The following LRP8 variants were observed in gnomAD, a reference collection of about 807,000 sequenced individuals.
The protein encoded by LRP8 is low-density lipoprotein receptor-related protein 8.
In LRP8, 46 loss-of-function variants were observed where a neutral mutation model predicts 111.6. The observed-to-expected ratio is 0.41, with a 90% CI of 0.33 to 0.53. The LOEUF is 0.53. Ranked by LOEUF, LRP8 falls within the 20% of genes least tolerant of loss-of-function variation. The pLI is 0.20. For synonymous variants in LRP8, 464 were observed against 511.2 expected (o/e 0.91, Z 1.24); for missense variants, 959 against 1,297.4 (o/e 0.74, Z 4.01).
intron 8 of LRP8, among the ~76,000 whole-genome samples, chr1:53,270,740 C>G (rs779776184): frequency 6.6e-6 from 1 of 152,214 alleles, no homozygotes; most frequent in Non-Finnish European, 1.5e-5. Flanking sequence ...TGCACTGTCC[C>G]TTTAAAGAAA....
At chr1:53,285,274 T>C (rs1352070410) in intron 3 of LRP8, among the ~76,000 whole-genome samples, 1 of 152,154 alleles carries the variant, frequency 6.6e-6, no homozygotes, top group African/African-American at 2.4e-5. Flanking sequence ...CAGACCCTGT[T>C]GGTCTCCCTG....
At chr1:53,326,835 T>A (rs891959335) in intron 2 of LRP8, 38 bp downstream of exon 2, 8 of 1,597,062 alleles carry the variant, frequency 5.0e-6, no homozygotes, top group Non-Finnish European at 5.1e-6. Context: ...CCGTTCCTTT[T>A]CTCTCCCCGG....
intron 8 of LRP8, among the ~76,000 whole-genome samples, chr1:53,269,224 T>A (rs1646681436): frequency 6.6e-6 from 1 of 152,210 alleles, no homozygotes; most frequent in Non-Finnish European, 1.5e-5. Flanking sequence ...GCTTTTGCGG[T>A]TTCTGTCTCT....
intron 2 of LRP8, among the ~76,000 whole-genome samples, chr1:53,325,331 T>C (rs1275617843): frequency 2.0e-5 from 3 of 152,352 alleles, no homozygotes; most frequent in Middle Eastern, 3.4e-3. Context: ...TTTGTTTGTT[T>C]TGTTTTTTAA....
intron 4 of LRP8, 113 bp from the exon 5 acceptor site, chr1:53,277,191 C>T (rs1201533583): frequency 6.8e-6 from 9 of 1,320,192 alleles, no homozygotes; most frequent in Non-Finnish European, 8.7e-6. Flanking sequence ...GAACAAGTGC[C>T]CTTTGGGGGC....
Position 53,249,266 on chromosome 1 carries a change from C to A in LRP8, c.2853+114G>T. 1.7e-6 allele frequency: 2 copies of A among 1,156,682 alleles called. No individual in the cohort carries two copies. The highest frequency in any genetic ancestry group is 2.5e-5 in the East Asian group (1 of 40,812). 71.7% of individuals were successfully genotyped at this position (1,156,682 alleles called of 1,614,324 possible). A position where few individuals can be genotyped will look rare whatever the true frequency, so the allele number is the denominator to read the frequency against. ...CATTTTTCTTCTTTGCCCCAACACC[C>A]AGCTTACAATTTGCAGCCTTCCCAA... On this transcript the variant is annotated intron_variant, in intron 18 of 18. Transcript: ENST00000306052. This position sits in a 1 kb window ranked among gnomAD's most constrained non-coding sequence, Gnocchi z 4.1.
In LRP8 at chr1:53,280,589, G is replaced by A; in HGVS notation, c.494C>T (p.Thr165Ile). Residue 165 changes from threonine to isoleucine, a missense_variant and splice_region_variant, in exon 4 of 19, where the codon ACC becomes ATC. By Grantham distance (89) the Thr-to-Ile change is moderately conservative. Transcript: ENST00000306052. Reference protein sequence around the residue: ...EGGADEAGCATLCAPHEFQCG... With the variant: ...EGGADEAGCAILCAPHEFQCG... ...TGGAGATCTGACCCCAGACTCACAG[G>A]TAGCACAGCCGGCCTCATCCGCTCC... 1 of 1,612,140 alleles carries A rather than the reference G, an allele frequency of 6.2e-7. No individual in the cohort carries two copies. The highest frequency in any genetic ancestry group is 8.5e-7 in the Non-Finnish European group (1 of 1,179,932).
At chr1:53,263,465 A>G (rs887013726) in intron 10 of LRP8, among the ~76,000 whole-genome samples, 3 of 152,180 alleles carry the variant, frequency 2.0e-5, no homozygotes, top group African/African-American at 7.2e-5. Flanking sequence ...TAACGCTAAA[A>G]AAACCATCTC....
At chr1:53,323,334 G>A (rs1017648233) in intron 2 of LRP8, among the ~76,000 whole-genome samples, 2 of 152,250 alleles carry the variant, frequency 1.3e-5, no homozygotes, top group African/African-American at 2.4e-5. Context: ...GGGGCGATGT[G>A]TGGACAATCT....
intron 2 of LRP8, among the ~76,000 whole-genome samples, chr1:53,311,072 A>T (rs1652899493): frequency 6.6e-6 from 1 of 152,160 alleles, no homozygotes; most frequent in African/African-American, 2.4e-5. Context: ...AGCTCCAGCC[A>T]GCAGATGCAA....
chr1:53,311,559 C>T (rs765565431), intron 2 of LRP8, among the ~76,000 whole-genome samples: 40 of 152,132 alleles, frequency 2.6e-4, no homozygotes, highest in Non-Finnish European at 4.4e-4. Flanking sequence ...GTGAGAACCA[C>T]AGAGGAAGGA....
chr1:53,265,656 T>C (rs992587201), intron 9 of LRP8, among the ~76,000 whole-genome samples: 3 of 152,240 alleles, frequency 2.0e-5, no homozygotes, highest in Non-Finnish European at 4.4e-5. Flanking sequence ...GTCTGTATGT[T>C]GCAGGGAGGC....
At chr1:53,254,726 T>C (rs1408823343) in intron 16 of LRP8, among the ~76,000 whole-genome samples, 1 of 152,190 alleles carries the variant, frequency 6.6e-6, no homozygotes, top group Admixed American at 6.5e-5. Flanking sequence ...ATTAAAGGAA[T>C]GGTAAGCAGC....
At position 53,249,363 on chromosome 1, in the gene LRP8, G is replaced by C; in HGVS notation, c.2853+17C>G. 1.9e-6 allele frequency: 3 copies of C among 1,612,570 alleles called. No individual in the cohort carries two copies. The highest frequency in any genetic ancestry group is 2.5e-6 in the Non-Finnish European group (3 of 1,179,074). Reference sequence around the variant, plus strand: ...CTCACTCACCAGCCCCTCAGACTTAGAGTGGCACTGCCCTACCTTGGATTT... The same window carrying C: ...CTCACTCACCAGCCCCTCAGACTTACAGTGGCACTGCCCTACCTTGGATTT... On this transcript the variant is annotated intron_variant, in intron 18 of 18. Coordinates refer to ENST00000306052, the MANE Select transcript of LRP8 (RefSeq NM_004631.5). This position sits in a 1 kb window ranked among gnomAD's most constrained non-coding sequence, Gnocchi z 4.1.
Position 53,263,113 on chromosome 1 carries a change from G to A in LRP8, c.1656-549C>T, listed in dbSNP as rs74467845. ...TTTCCTCCTGGGACCCTGACGATCCGCAGTGGATTGGGGTTGGGCTGGGTG... is the reference window on the plus strand; with the variant it reads ...TTTCCTCCTGGGACCCTGACGATCCACAGTGGATTGGGGTTGGGCTGGGTG... On this transcript the variant is annotated intron_variant, in intron 10 of 18. Coordinates refer to ENST00000306052, the MANE Select transcript of LRP8 (RefSeq NM_004631.5). Among the ~76,000 whole-genome samples the A allele has an allele frequency of 4.2e-3, 635 of 152,266 alleles. 3 individuals are homozygous for A. Among genetic ancestry groups the A allele is most frequent in the African/African-American group, 0.015 (606 of 41,538 alleles).
In LRP8 at chr1:53,326,969, C is replaced by T; in HGVS notation, c.148G>A (p.Asp50Asn). 6.2e-7 allele frequency: 1 copy of T among 1,613,730 alleles called. No homozygotes were observed. The highest frequency in any genetic ancestry group is 1.1e-5 in the South Asian group (1 of 91,080). The change falls in exon 2 of 19, where the codon GAC becomes AAC. Residue 50 changes from aspartate (D) to asparagine (N), a missense_variant. Around this residue, in one of 3 missense-constraint regions of LRP8, gnomAD observed 97 missense variants for 107.5 expected, o/e 0.90. Coordinates refer to ENST00000306052, the MANE Select transcript of LRP8 (RefSeq NM_004631.5). ...CGCTCGTTCCGGCACTGGAATTGGT[C>T]CTTTTCGCAATCCTTGGCCGGCCCT... ...GQGPAKDCEK[D>N]QFQCRNERCI... is the part of the protein sequence containing the mutation.
rs115829293 is a variant in LRP8, at chr1:53,285,808, T to C, written c.367+3759A>G. ...GCCCCCGGAGGGGACCATATGCCTT[T>C]GGCCTGCTCTCCAAGTACCCTAGGT... On this transcript the variant is annotated intron_variant, in intron 3 of 18. Coordinates refer to ENST00000306052, the MANE Select transcript of LRP8 (RefSeq NM_004631.5). Among the ~76,000 whole-genome samples the C allele has an allele frequency of 5.3e-3, 805 of 152,290 alleles. 8 individuals are homozygous for C. The highest frequency in any genetic ancestry group is 0.019 in the African/African-American group (774 of 41,554).
At position 53,262,335 on chromosome 1, in the gene LRP8, CAA is replaced by C. The variant is rs760425139; in HGVS notation, c.1774+109_1774+110del. The C allele has an allele frequency of 7.4e-4, 1,130 of 1,519,870 alleles. 1 individual carries two copies. Among genetic ancestry groups the C allele is most frequent in the Non-Finnish European group, 9.1e-4 (1,011 of 1,105,210 alleles). The allele number at this position is 1,519,870 out of a possible 1,614,324, so 94.1% of individuals were successfully genotyped here. A position where few individuals can be genotyped will look rare whatever the true frequency, so the allele number is the denominator to read the frequency against. ...CCAGCCTACGGCAACCATTAGGAAA[CAA>C]AGTCACTGGCACCATGAGAGGACCC... On this transcript the variant is annotated intron_variant, in intron 11 of 18. Coordinates refer to ENST00000306052, the MANE Select transcript of LRP8 (RefSeq NM_004631.5). The surrounding 1 kb of genome is among the most constrained non-coding windows in gnomAD (Gnocchi z 4.8).
At chr1:53,310,544 G>A (rs1276097281) in intron 2 of LRP8, among the ~76,000 whole-genome samples, 1 of 152,156 alleles carries the variant, frequency 6.6e-6, no homozygotes, top group South Asian at 2.1e-4. Context: ...CCAGAGGTTA[G>A]TGCAGTGGAG....
Sources: allele counts gnomAD v4.1 joint callset (sites outside exome capture counted in the v4.1 genomes callset), GRCh38; gene constraint gnomAD v4.1.1; regional missense constraint gnomAD v4.1.1; non-coding constraint Gnocchi (gnomAD v3.1); transcripts MANE v1.5; gene names NCBI Gene and HGNC (gene_info 2026-07-23, HGNC 2026-07-21).